SAMD11: variants seen among roughly 807,000 people sequenced by gnomAD.
The protein encoded by SAMD11 is sterile alpha motif domain-containing protein 11.
In SAMD11, 77 loss-of-function variants were observed where a neutral mutation model predicts 64.4. That is an observed-to-expected ratio of 1.20 (90% CI 0.99 to 1.44). SAMD11 has a LOEUF of 1.44. Ranked by LOEUF, SAMD11 falls within the 40% of genes most tolerant of loss-of-function variation. SAMD11 has a pLI of 0.00. For missense variants in SAMD11, 1,402 were observed against 943.3 expected, an observed-to-expected ratio of 1.49 and a Z score of -6.37; for synonymous variants, 658 against 421.9, an observed-to-expected ratio of 1.56 and a Z score of -6.86.
rs138897766 is a variant in SAMD11 at position 943,364 on chromosome 1, G to C, written c.2165G>C (p.Gly722Ala). ...TTCGTGGGGGGCCTGTCTGGCTGTG[G>C]AGAGTACACTCGGGTAAGGGGGGGC... is the stretch of plus-strand genomic sequence containing the variant. ...CSFVGGLSGC[G>A]EYTRVFREQG... The change falls in exon 12 of 14, where the codon GGA becomes GCA. Residue 722 changes from glycine (G) to alanine (A), a missense_variant. Coordinates refer to ENST00000616016, the MANE Select transcript of SAMD11 (RefSeq NM_001385641.1). 1.5e-3 allele frequency: 2,348 copies of C among 1,573,616 alleles called. 4 individuals are homozygous for C. Among genetic ancestry groups the C allele is most frequent in the Admixed American group, 4.2e-3 (231 of 55,408 alleles).
chr1:928,714 G>C (rs892743713), intron 2 of SAMD11, among the ~76,000 whole-genome samples: 1 of 152,268 alleles, frequency 6.6e-6, no homozygotes, highest in Non-Finnish European at 1.5e-5. Flanking sequence ...AGCTGTCGTG[G>C]AGAGAGCAGA....
chr1:941,391 A>C, intron 8 of SAMD11, 85 bp downstream of exon 8: 1 of 1,310,834 alleles, frequency 7.6e-7, no homozygotes, highest in Non-Finnish European at 1.0e-6. Flanking sequence ...GCGCCCCGAG[A>C]GTGCCAAGCA....
intron 7 of SAMD11, among the ~76,000 whole-genome samples, chr1:939,952 C>T (rs1227041796): frequency 9.9e-5 from 15 of 152,104 alleles, no homozygotes; most frequent in Admixed American, 9.8e-4. Context: ...ACCCTGTCCA[C>T]CCCACCTCAG....
At chr1:928,825 G>T (rs943697965) in intron 2 of SAMD11, among the ~76,000 whole-genome samples, 1 of 152,238 alleles carries the variant, frequency 6.6e-6, no homozygotes, top group Non-Finnish European at 1.5e-5. Flanking sequence ...AGACCCTTGG[G>T]GAGGGGGCAC....
At chr1:943,125 C>T (rs1641899983) in intron 11 of SAMD11, 67 bp downstream of exon 11, 4 of 1,570,228 alleles carry the variant, frequency 2.5e-6, no homozygotes, top group South Asian at 2.4e-5. Flanking sequence ...GTGGAAGGGT[C>T]TTGGGGGGAG....
intron 7 of SAMD11, 86 bp from the exon 8 acceptor site, chr1:941,058 C>A: frequency 7.8e-7 from 1 of 1,286,474 alleles, no homozygotes; most frequent in Non-Finnish European, 1.1e-6. Context: ...GGTCAGTTCC[C>A]CACCTCAGTG....
In SAMD11 at chr1:943,306, G is replaced by A. The variant is rs756871764; in HGVS notation, c.2107G>A (p.Val703Ile). 6.8e-6 allele frequency: 11 copies of A among 1,612,160 alleles called. No individual in the cohort carries two copies. The African/African-American group carries it at 9.4e-5, about 14-fold the overall frequency. The change falls in exon 12 of 14, where the codon GTC (valine) becomes ATC (isoleucine). Residue 703 changes from valine to isoleucine, a missense_variant. Physicochemically the swap from Val to Ile is conservative, Grantham distance 29. Coordinates refer to ENST00000616016, the MANE Select transcript of SAMD11 (RefSeq NM_001385641.1). ...DGEEAPAPED[V>I]TKWTVDDVCS... is the part of the protein sequence containing the mutation. ...GGAGGAGGCCCCAGCCCCTGAGGAC[G>A]TCACCAAGTGGACCGTGGATGACGT...
At chr1:940,078 G>A (rs1283259770) in intron 7 of SAMD11, among the ~76,000 whole-genome samples, 2 of 152,228 alleles carry the variant, frequency 1.3e-5, no homozygotes, top group Admixed American at 6.5e-5. Context: ...GCTAGAGGTG[G>A]GTGGGGGCGC....
intron 5 of SAMD11, among the ~76,000 whole-genome samples, chr1:936,780 G>T (rs896910522): frequency 5.3e-5 from 8 of 152,180 alleles, no homozygotes; most frequent in African/African-American, 1.7e-4. Context: ...CTGGGTGGGG[G>T]CAGCTTCTGA....
chr1:942,533 C>A, intron 10 of SAMD11, 26 bp from the exon 11 acceptor site: 2 of 1,416,050 alleles, frequency 1.4e-6, no homozygotes, highest in Non-Finnish European at 1.8e-6. Flanking sequence ...CGGGAGGCGG[C>A]TGACCCGCGT....
At position 928,204 on chromosome 1, in the gene SAMD11, T is replaced by C. The variant is rs1003306139; in HGVS notation, c.610-1951T>C. 2.7e-5 allele frequency among the ~76,000 whole-genome samples: 4 copies of C among 149,372 alleles called. No homozygotes were observed. In the East Asian group the frequency reaches 6.3e-4, roughly 24 times the overall value. ...GTCAGGAGATCGAGACCATCCTGAC[T>C]AACACGGTGAAACCCGTCTCTACTA... is the stretch of plus-strand genomic sequence containing the variant. On this transcript the variant is annotated intron_variant, in intron 2 of 13. Coordinates refer to ENST00000616016, the MANE Select transcript of SAMD11 (RefSeq NM_001385641.1).
chr1:931,224 C>T lies in SAMD11; in HGVS notation c.842+135C>T, dbSNP rs544236502. 7.0e-5 allele frequency: 60 copies of T among 856,464 alleles called. No individual in the cohort carries two copies. The South Asian group carries it at 8.8e-4, about 13-fold the overall frequency. 53.1% of individuals were successfully genotyped at this position (856,464 alleles called of 1,614,324 possible). The stretch of plus-strand genomic sequence containing the variant: ...GCTGTGATGCTGGCTGAGTGTCTGC[C>T]AGGTTTGACATGTGCTGCAAGGTTG... On this transcript the variant is annotated intron_variant, in intron 4 of 13. Transcript: ENST00000616016.
chr1:944,312 G>C lies in SAMD11; in HGVS notation c.*159G>C. ...CAAAGGAAAGGAACAAATTTTCAAAGACTTGGGGGAGTGAAGGCAGAGCCT... is the reference window on the plus strand; with the variant it reads ...CAAAGGAAAGGAACAAATTTTCAAACACTTGGGGGAGTGAAGGCAGAGCCT... On this transcript the variant is annotated 3_prime_UTR_variant, in exon 14 of 14. Coordinates refer to ENST00000616016, the MANE Select transcript of SAMD11 (RefSeq NM_001385641.1). 1.4e-6 allele frequency: 2 copies of C among 1,392,072 alleles called. No homozygotes were observed. Among genetic ancestry groups the C allele is most frequent in the Non-Finnish European group, 1.9e-6 (2 of 1,079,696 alleles). 86.2% of individuals were successfully genotyped at this position (1,392,072 alleles called of 1,614,324 possible).
intron 2 of SAMD11, among the ~76,000 whole-genome samples, chr1:926,721 C>T (rs577845921): frequency 2.6e-5 from 4 of 152,266 alleles, no homozygotes; most frequent in African/African-American, 7.2e-5. Flanking sequence ...CCTACCCAGT[C>T]TCCAGCCCCC....
chr1:938,019 C>T (rs1272290771), intron 5 of SAMD11, among the ~76,000 whole-genome samples: 1 of 152,172 alleles, frequency 6.6e-6, no homozygotes, highest in Non-Finnish European at 1.5e-5. Context: ...AGGGGAGTGG[C>T]CCCTCACTCC....
intron 8 of SAMD11, 153 bp from the exon 9 acceptor site, chr1:941,983 G>A (rs185122266): frequency 2.7e-6 from 1 of 376,468 alleles, no homozygotes; most frequent in Admixed American, 4.6e-5. Context: ...GCCGCCGGCG[G>A]GGGCGGGGAT....
chr1:930,080 C>T (rs1641099074), intron 2 of SAMD11, 75 bp from the exon 3 acceptor site: 5 of 1,480,822 alleles, frequency 3.4e-6, no homozygotes, highest in African/African-American at 1.4e-5. Context: ...CGGCCCGGTC[C>T]AGCCCCACCT....
At chr1:937,776 C>G (rs1016104438) in intron 5 of SAMD11, among the ~76,000 whole-genome samples, 5 of 152,260 alleles carry the variant, frequency 3.3e-5, no homozygotes, top group Non-Finnish European at 5.9e-5. Context: ...GACTGACCCT[C>G]TCTCTGGGGC....
At chr1:935,711 AGGCTG>A in intron 4 of SAMD11, 56 bp from the exon 5 acceptor site, 1 of 1,606,818 alleles carries the variant, frequency 6.2e-7, no homozygotes, top group Non-Finnish European at 8.5e-7. Flanking sequence ...CCCTGTGCCC[AGGCTG>A]GGCTCCAGCC....
Sources: gnomAD v4.1 joint callset for allele counts (sites outside exome capture counted in the v4.1 genomes callset) on GRCh38, gnomAD v4.1.1 for gene constraint, MANE v1.5 for transcripts, NCBI Gene and HGNC (gene_info 2026-07-23, HGNC 2026-07-21) for gene names.